The following CROCC2 variants were observed in gnomAD, a reference collection of about 807,000 sequenced individuals.
CROCC2 encodes ciliary rootlet coiled-coil protein 2.
CROCC2 carries 163 observed loss-of-function variants against 177.6 expected under a neutral mutation model. The ratio of observed to expected loss-of-function variants is 0.92; its 90% confidence interval spans 0.81 to 1.05. CROCC2 has a LOEUF of 1.05. Ranked by LOEUF, CROCC2 falls within the 50% of genes least tolerant of loss-of-function variation. The pLI, the probability that CROCC2 is intolerant of heterozygous loss-of-function variation, is 0.00. For missense variants in CROCC2, 1,929 were observed against 1,797.8 expected, an observed-to-expected ratio of 1.07 and a Z score of -1.32; for synonymous variants, 904 against 787.3, an observed-to-expected ratio of 1.15 and a Z score of -2.48.
intron 27 of CROCC2, chr2:240,981,690 A>T (rs1019598445): frequency 2.0e-5 from 3 of 152,176 alleles, no homozygotes; most frequent in Non-Finnish European, 4.4e-5. Flanking sequence ...GAAGCATCAC[A>T]GTCTTAGGTA....
chr2:240,958,803 C>T lies in CROCC2; in HGVS notation c.2944-498C>T, dbSNP rs1447811557. ...GGGTGGTGTCCCGAGGGGCCTGGGG[C>T]TTGGGGTGAAGAAGGTGGTATTTGT... On this transcript the variant is annotated intron_variant, in intron 19 of 31. Transcript: ENST00000690015. The surrounding 1 kb of genome is among the most constrained non-coding windows in gnomAD (Gnocchi z 6.7). Among the ~76,000 whole-genome samples, 2 of 152,132 alleles carry T rather than the reference C, an allele frequency of 1.3e-5. No homozygotes were observed. Among genetic ancestry groups the T allele is most frequent in the Non-Finnish European group, 2.9e-5 (2 of 68,004 alleles).
chr2:240,959,136 T>G (rs1464000915), intron 19 of CROCC2, 165 bp from the exon 20 acceptor site: 5 of 749,950 alleles, frequency 6.7e-6, no homozygotes, highest in Non-Finnish European at 1.0e-5. Context: ...TTTGACAGTT[T>G]AGGAAACCAA....
intron 1 of CROCC2, among the ~76,000 whole-genome samples, chr2:240,914,460 G>A (rs1293033527): frequency 2.6e-5 from 4 of 152,224 alleles, no homozygotes; most frequent in African/African-American, 4.8e-5. Context: ...GCACTGGTCC[G>A]AGATGCCGTC....
intron 25 of CROCC2, among the ~76,000 whole-genome samples, chr2:240,966,951 T>A (rs2059688105): frequency 6.7e-6 from 1 of 148,880 alleles, no homozygotes; most frequent in Admixed American, 6.7e-5. Context: ...GGGCCCACCC[T>A]CCCACCGCTG....
Position 240,973,460 on chromosome 2 carries a change from C to G in CROCC2, c.4401+5198C>G, listed in dbSNP as rs13405291. On this transcript the variant is annotated intron_variant, in intron 27 of 31. Coordinates refer to ENST00000690015, the MANE Select transcript of CROCC2 (RefSeq NM_001351305.2). This position sits in a 1 kb window ranked among gnomAD's most constrained non-coding sequence, Gnocchi z 4.7. ...TGCCACCCTTGGACTGGCGCCCAGT[C>G]ACAGCCTCCGTGGCTCAGGGAAGCT... Among the ~76,000 whole-genome samples the G allele has an allele frequency of 0.039, 5,932 of 152,200 alleles. 385 individuals are homozygous for G. Among genetic ancestry groups the G allele is most frequent in the African/African-American group, 0.13 (5,567 of 41,480 alleles).
chr2:240,943,801 T>C (rs1574766161), intron 14 of CROCC2, among the ~76,000 whole-genome samples: 1 of 152,084 alleles, frequency 6.6e-6, no homozygotes, highest in African/African-American at 2.4e-5. Flanking sequence ...TCTTGGATAC[T>C]GAGGCTCTAC....
Position 240,982,773 on chromosome 2 carries a change from T to TA in CROCC2, c.4402-106dup. On this transcript the variant is annotated intron_variant, in intron 27 of 31. Coordinates refer to ENST00000690015, the MANE Select transcript of CROCC2 (RefSeq NM_001351305.2). The surrounding 1 kb of genome is among the most constrained non-coding windows in gnomAD (Gnocchi z 4.7). ...GTTCTTGCTGTTTTCATCCCAGCGATACGGTCCTGCCAGACGGTCTAGGCA... is the reference window on the plus strand; with the variant it reads ...GTTCTTGCTGTTTTCATCCCAGCGATAACGGTCCTGCCAGACGGTCTAGGCA... 1 of 946,164 alleles carries TA rather than the reference T, an allele frequency of 1.1e-6. No individual in the cohort carries two copies. Among genetic ancestry groups the TA allele is most frequent in the Non-Finnish European group, 1.6e-6 (1 of 642,102 alleles). 58.6% of individuals were successfully genotyped at this position (946,164 alleles called of 1,614,324 possible). A position where few individuals can be genotyped will look rare whatever the true frequency, so the allele number is the denominator to read the frequency against.
chr2:240,946,377 G>T (rs2059524845), intron 15 of CROCC2, 124 bp downstream of exon 15: 1 of 1,008,010 alleles, frequency 9.9e-7, no homozygotes, highest in South Asian at 2.1e-5. Flanking sequence ...GTGTGCCCAT[G>T]AAATGGGCTG....
chr2:240,988,703 G>A (rs2059856582), intron 28 of CROCC2, 36 bp from the exon 29 acceptor site: 1 of 1,342,482 alleles, frequency 7.4e-7, no homozygotes. Context: ...CTCCCTGCCA[G>A]GAGGCCACAG....
Position 240,934,855 on chromosome 2 carries a change from C to A in CROCC2, c.1792-61C>A, listed in dbSNP as rs73107806. On this transcript the variant is annotated intron_variant, in intron 12 of 31. Coordinates refer to ENST00000690015, the MANE Select transcript of CROCC2 (RefSeq NM_001351305.2). ...GGCTCAGGGCTCACTCCTTTCCCAG[C>A]GGCAACAGCCCTGCCCTGGAAGCTG... 8 of 1,418,678 alleles carry A rather than the reference C, an allele frequency of 5.6e-6. No homozygotes were observed. In the East Asian group the frequency reaches 1.9e-4, roughly 34 times the overall value. 87.9% of individuals were successfully genotyped at this position (1,418,678 alleles called of 1,614,324 possible).
chr2:240,963,923 C>T (rs1457887247), intron 21 of CROCC2, 150 bp downstream of exon 21: 23 of 792,210 alleles, frequency 2.9e-5, no homozygotes, highest in East Asian at 5.4e-5. Context: ...GCAGGCCTCC[C>T]GCTGCCCAGT....
chr2:240,950,849 A>C, intron 18 of CROCC2: 1 of 256,696 alleles, frequency 3.9e-6, no homozygotes, highest in Non-Finnish European at 7.4e-6. Flanking sequence ...CCAACCACCC[A>C]CCCATTCACC....
At position 240,972,216 on chromosome 2, in the gene CROCC2, A is replaced by G. The variant is rs900284606; in HGVS notation, c.4401+3954A>G. On this transcript the variant is annotated intron_variant, in intron 27 of 31. Transcript: ENST00000690015. The surrounding 1 kb of genome is among the most constrained non-coding windows in gnomAD (Gnocchi z 7.1). ...CCCATCAGGGACTTTATGTGTCCCCATCCAAATATTTCAGGCTCAAAAGAA... is the reference window on the plus strand; with the variant it reads ...CCCATCAGGGACTTTATGTGTCCCCGTCCAAATATTTCAGGCTCAAAAGAA... Among the ~76,000 whole-genome samples, 2 of 152,178 alleles carry G rather than the reference A, an allele frequency of 1.3e-5. No individual in the cohort carries two copies. The highest frequency in any genetic ancestry group is 4.8e-5 in the African/African-American group (2 of 41,438).
chr2:240,967,050 G>A lies in CROCC2; in HGVS notation c.4147-295G>A, dbSNP rs763408422. 7.3e-4 allele frequency among the ~76,000 whole-genome samples: 111 copies of A among 152,214 alleles called. 1 individual carries two copies. Among genetic ancestry groups the A allele is most frequent in the Middle Eastern group, 3.4e-3 (1 of 294 alleles). ...CCGGTCCCCCTGACCACAGGCTGTG[G>A]GCCGCCACCTGCCAGCTCTCCCACA... On this transcript the variant is annotated intron_variant, in intron 25 of 31. Coordinates refer to ENST00000690015, the MANE Select transcript of CROCC2 (RefSeq NM_001351305.2).
At chr2:240,919,435 T>G (rs2059344030) in intron 2 of CROCC2, among the ~76,000 whole-genome samples, 1 of 152,132 alleles carries the variant, frequency 6.6e-6, no homozygotes, top group African/African-American at 2.4e-5. Flanking sequence ...AGGCCCCTGC[T>G]CTGCCTCCAA....
At chr2:240,928,751 G>A (rs779696341) in intron 5 of CROCC2, among the ~76,000 whole-genome samples, 8 of 138,486 alleles carry the variant, frequency 5.8e-5, no homozygotes, top group Middle Eastern at 3.4e-3. Context: ...CAGGTGTAAC[G>A]GGCTCAGAGG....
chr2:240,932,653 T>C (rs1559595112), intron 8 of CROCC2, 49 bp from the exon 9 acceptor site: 3 of 718,998 alleles, frequency 4.2e-6, no homozygotes, highest in Non-Finnish European at 7.8e-6. Flanking sequence ...CACCAAATCA[T>C]GGCCCTGTGC....
chr2:240,931,534 C>G (rs1158253047), intron 7 of CROCC2, among the ~76,000 whole-genome samples: 1 of 152,210 alleles, frequency 6.6e-6, no homozygotes, highest in Non-Finnish European at 1.5e-5. Context: ...ATGAAGGACA[C>G]CCACGCCCTC....
At chr2:240,952,204 G>A (rs575538163) in intron 18 of CROCC2, among the ~76,000 whole-genome samples, 10 of 151,656 alleles carry the variant, frequency 6.6e-5, no homozygotes, top group Non-Finnish European at 8.8e-5. Context: ...AAAATTAGCC[G>A]GGCATGGTGG....
Sources: allele counts gnomAD v4.1 joint callset (sites outside exome capture counted in the v4.1 genomes callset), GRCh38; gene constraint gnomAD v4.1.1; non-coding constraint Gnocchi (gnomAD v3.1); transcripts MANE v1.5; gene names NCBI Gene and HGNC (gene_info 2026-07-23, HGNC 2026-07-21).